The following PDE7B variants were observed in gnomAD, a reference collection of about 807,000 sequenced individuals.
PDE7B encodes the protein 3',5'-cyclic-AMP phosphodiesterase 7B.
PDE7B carries 29 observed loss-of-function variants against 56.2 expected under a neutral mutation model. The observed-to-expected ratio is 0.52, with a 90% CI of 0.38 to 0.70. PDE7B has a LOEUF of 0.70. Among genes scored for constraint, PDE7B ranks in the 30% least tolerant of loss-of-function variants. PDE7B has a pLI of 0.00. For synonymous variants in PDE7B, 197 were observed against 196.9 expected (o/e 1.00, Z 0.00); for missense variants, 490 against 565.0 (o/e 0.87, Z 1.35).
chr6:136,155,470 T>C (rs975704708), intron 7 of PDE7B, among the ~76,000 whole-genome samples, 157 bp from the exon 8 acceptor site: 15 of 152,242 alleles, frequency 9.9e-5, no homozygotes, highest in Admixed American at 9.8e-4. Context: ...TGTGATTTCA[T>C]GTGACTATCA....
intron 1 of PDE7B, among the ~76,000 whole-genome samples, chr6:135,860,573 C>A (rs1775126506): frequency 6.6e-6 from 1 of 151,916 alleles, no homozygotes; most frequent in Admixed American, 6.6e-5. Flanking sequence ...AGCTCTGTGA[C>A]CATGAAGAAG....
At chr6:135,887,385 T>G (rs1301295780) in intron 1 of PDE7B, among the ~76,000 whole-genome samples, 1 of 152,172 alleles carries the variant, frequency 6.6e-6, no homozygotes, top group Non-Finnish European at 1.5e-5. Context: ...TTATAATTGC[T>G]CTGCAGATTA....
intron 8 of PDE7B, among the ~76,000 whole-genome samples, chr6:136,166,126 G>A (rs1009822862): frequency 1.3e-5 from 2 of 152,116 alleles, no homozygotes; most frequent in Non-Finnish European, 2.9e-5. Context: ...GTGCTGCCAT[G>A]TGTCTAATGG....
intron 11 of PDE7B, among the ~76,000 whole-genome samples, chr6:136,183,091 A>C (rs61011913): frequency 6.7e-6 from 1 of 148,738 alleles, no homozygotes. Context: ...AAAAAAAAAA[A>C]CCCTTTTCTC....
At chr6:136,186,240 A>C (rs1314464327) in intron 11 of PDE7B, among the ~76,000 whole-genome samples, 1 of 151,924 alleles carries the variant, frequency 6.6e-6, no homozygotes, top group African/African-American at 2.4e-5. Context: ...ACATAGCGAG[A>C]CCTCATCTCT....
intron 7 of PDE7B, among the ~76,000 whole-genome samples, chr6:136,155,390 G>A (rs939910926): frequency 3.9e-5 from 6 of 151,972 alleles, no homozygotes; most frequent in East Asian, 1.9e-4. Flanking sequence ...ATAGGAAGAA[G>A]GGGATACCAG....
At chr6:135,854,222 A>G (rs573157114) in intron 1 of PDE7B, among the ~76,000 whole-genome samples, 2 of 152,288 alleles carry the variant, frequency 1.3e-5, no homozygotes, top group East Asian at 3.9e-4. Flanking sequence ...TTGTTGACTC[A>G]CAGAAGATAG....
chr6:135,914,129 G>A (rs1033852066), intron 1 of PDE7B, among the ~76,000 whole-genome samples: 4 of 152,098 alleles, frequency 2.6e-5, no homozygotes, highest in African/African-American at 7.2e-5. Flanking sequence ...CCTTCCACAG[G>A]CATGTATTCT....
At chr6:136,036,301 T>C (rs1776325365) in intron 2 of PDE7B, among the ~76,000 whole-genome samples, 1 of 152,204 alleles carries the variant, frequency 6.6e-6, no homozygotes, top group African/African-American at 2.4e-5. Context: ...TATTCCCTAA[T>C]TGTGTTGTAT....
chr6:136,183,331 C>T (rs1423694074), intron 11 of PDE7B, among the ~76,000 whole-genome samples: 4 of 151,970 alleles, frequency 2.6e-5, no homozygotes, highest in African/African-American at 7.2e-5. Context: ...TGGTGGCTCA[C>T]GCCTGTAATC....
chr6:136,021,148 G>A (rs144466872), intron 2 of PDE7B, among the ~76,000 whole-genome samples: 32 of 152,204 alleles, frequency 2.1e-4, no homozygotes, highest in African/African-American at 7.7e-4. Context: ...CCAAGGACTG[G>A]CTTTTCCCCT....
chr6:135,899,154 T>C (rs1775953908), intron 1 of PDE7B, among the ~76,000 whole-genome samples: 1 of 152,120 alleles, frequency 6.6e-6, no homozygotes, highest in Admixed American at 6.5e-5. Flanking sequence ...TTGTGAGGCC[T>C]CCCCAGCTAT....
At chr6:135,870,537 A>T (rs1000738531) in intron 1 of PDE7B, among the ~76,000 whole-genome samples, 1 of 151,508 alleles carries the variant, frequency 6.6e-6, no homozygotes, top group Non-Finnish European at 1.5e-5. Flanking sequence ...ACATTTCACA[A>T]GTACATATCA....
intron 2 of PDE7B, among the ~76,000 whole-genome samples, chr6:136,063,102 A>AAATT (rs1374075319): frequency 1.3e-5 from 2 of 152,222 alleles, no homozygotes; most frequent in African/African-American, 4.8e-5. Flanking sequence ...CTTTTCTGTA[A>AAATT]AATTAGACTA....
intron 1 of PDE7B, among the ~76,000 whole-genome samples, chr6:135,931,798 G>GT (rs1209917590): frequency 5.3e-5 from 8 of 152,264 alleles, no homozygotes; most frequent in Admixed American, 5.2e-4. Flanking sequence ...CAATATACAT[G>GT]TGTGTACATG....
Position 136,178,988 on chromosome 6 carries a change from T to C in PDE7B, c.804-9T>C, listed in dbSNP as rs777181081. 6.2e-6 allele frequency: 10 copies of C among 1,613,988 alleles called. No individual in the cohort carries two copies. The African/African-American group carries it at 1.3e-4, about 22-fold the overall frequency. Reference sequence around the variant, plus strand: ...TGTGTGTTTTTCTCTTTCATTCTTGTGGATGCAGACAGGATATTGAACAGC... The same window carrying C: ...TGTGTGTTTTTCTCTTTCATTCTTGCGGATGCAGACAGGATATTGAACAGC... On this transcript the variant is annotated splice_polypyrimidine_tract_variant and intron_variant, in intron 9 of 12. Transcript: ENST00000308191.
chr6:135,871,777 A>G (rs1377757863), intron 1 of PDE7B, among the ~76,000 whole-genome samples: 1 of 143,618 alleles, frequency 7.0e-6, no homozygotes, highest in African/African-American at 2.7e-5. Context: ...GTGTATACAC[A>G]CACACACACA....
chr6:136,186,424 T>C (rs548527933), intron 11 of PDE7B, among the ~76,000 whole-genome samples: 1 of 152,166 alleles, frequency 6.6e-6, no homozygotes, highest in East Asian at 1.9e-4. Flanking sequence ...TGAGACTCTG[T>C]CTCAAAAAGA....
chr6:136,065,697 T>C lies in PDE7B; in HGVS notation c.83-43034T>C, dbSNP rs553247904. The stretch of plus-strand genomic sequence containing the variant: ...CCGTATATCAATTAATATTAAATTA[T>C]AGAGTTCAGTGTCTCAGATTCTATT... On this transcript the variant is annotated intron_variant, in intron 2 of 12. Transcript: ENST00000308191. Among the ~76,000 whole-genome samples, 19 of 152,302 alleles carry C rather than the reference T, an allele frequency of 1.2e-4. No homozygotes were observed. In the South Asian group the frequency reaches 2.5e-3, roughly 20 times the overall value.
Sources: gnomAD v4.1 joint callset for allele counts (sites outside exome capture counted in the v4.1 genomes callset) on GRCh38, gnomAD v4.1.1 for gene constraint, MANE v1.5 for transcripts, NCBI Gene and HGNC (gene_info 2026-07-23, HGNC 2026-07-21) for gene names.